The following RBFOX1 variants were observed in gnomAD, a reference collection of about 807,000 sequenced individuals.
RBFOX1 encodes RNA binding fox-1 homolog 1.
RBFOX1 carries 8 observed loss-of-function variants against 57.7 expected under a neutral mutation model. The observed-to-expected ratio is 0.14, with a 90% confidence interval of 0.08 to 0.25. The LOEUF (loss-of-function observed/expected upper bound fraction) is 0.25. RBFOX1 is among the 10% of genes least tolerant of loss of function. The probability of loss-of-function intolerance (pLI) is 1.00; values close to 1 mark genes in which losing one functional copy is unlikely to be tolerated. For missense variants in RBFOX1, 611 were observed against 548.5 expected (o/e 1.11, Z -1.14); for synonymous variants, 326 against 222.4 (o/e 1.47, Z -4.15).
chr16:7,437,685 C>A (rs1249306790), intron 4 of RBFOX1, among the ~76,000 whole-genome samples: 2 of 152,092 alleles, frequency 1.3e-5, no homozygotes, highest in Non-Finnish European at 2.9e-5. Context: ...GGCAAAGCTG[C>A]CTTCTAAATA....
At chr16:6,793,088 C>A (rs977878495) in intron 3 of RBFOX1, among the ~76,000 whole-genome samples, 2 of 151,750 alleles carry the variant, frequency 1.3e-5, no homozygotes, top group African/African-American at 2.4e-5. Context: ...TGGATGCTCT[C>A]TGCCAGATTG....
chr16:5,571,766 G>C lies in RBFOX1; in HGVS notation c.259-27136G>C, dbSNP rs565985511. ...TACTCAATAAATACGAAGGGAGCTA[G>C]AAGCTCAGGGTCCTTGTTCACTAGA... On this transcript the variant is annotated intron_variant, in intron 2 of 2. Coordinates refer to the RBFOX1 transcript ENST00000585867. Among the ~76,000 whole-genome samples the C allele has an allele frequency of 1.8e-4, 28 of 152,320 alleles. No homozygotes were observed. In the South Asian group the frequency reaches 5.6e-3, roughly 30 times the overall value.
At chr16:6,261,364 C>G (rs1227866568) in intron 1 of RBFOX1, among the ~76,000 whole-genome samples, 2 of 152,098 alleles carry the variant, frequency 1.3e-5, no homozygotes, top group African/African-American at 2.4e-5. Context: ...TTTTCTCTAC[C>G]TAGTACCAAA....
At chr16:5,454,983 C>CT (rs1240323683) in intron 1 of RBFOX1, among the ~76,000 whole-genome samples, 1 of 92,612 alleles carries the variant, frequency 1.1e-5, no homozygotes, top group Non-Finnish European at 2.3e-5. Context: ...TTCTTTCTTT[C>CT]TTTCTTTCTT....
chr16:7,592,780 T>G lies in RBFOX1; in HGVS notation c.469-2769T>G, dbSNP rs185882354. On this transcript the variant is annotated intron_variant, in intron 7 of 15. Transcript: ENST00000550418. The stretch of plus-strand genomic sequence containing the variant: ...CTGAGTCAAAATCTATAGCCAAAAA[T>G]CTATAGATATCAGCAATATAAAATT... Among the ~76,000 whole-genome samples the G allele has an allele frequency of 6.6e-5, 10 of 152,228 alleles. No individual in the cohort carries two copies. The East Asian group carries it at 7.7e-4, about 12-fold the overall frequency.
chr16:6,452,785 A>G (rs574709231), intron 2 of RBFOX1, among the ~76,000 whole-genome samples: 1 of 152,336 alleles, frequency 6.6e-6, no homozygotes, highest in South Asian at 2.1e-4. Context: ...ACCTGGGTTA[A>G]TAATGAGTCT....
intron 4 of RBFOX1, chr16:7,510,461 AAG>A (rs2074726990): frequency 1.6e-6 from 1 of 622,796 alleles, no homozygotes. Context: ...AGTTTTGGTG[AAG>A]AGAGTGTGTG....
chr16:6,223,614 T>C (rs1301663407), intron 1 of RBFOX1, among the ~76,000 whole-genome samples: 3 of 152,212 alleles, frequency 2.0e-5, no homozygotes, highest in African/African-American at 2.4e-5. Context: ...CTTTGTCAGA[T>C]GAGTAGGTTG....
intron 2 of RBFOX1, among the ~76,000 whole-genome samples, chr16:5,575,990 T>C (rs2046440707): frequency 6.6e-6 from 1 of 152,050 alleles, no homozygotes; most frequent in South Asian, 2.1e-4. Context: ...TTTCATCTTT[T>C]TTTTTTCTTT....
intron 2 of RBFOX1, among the ~76,000 whole-genome samples, chr16:6,618,799 G>A (rs539561749): frequency 5.3e-5 from 8 of 152,216 alleles, no homozygotes; most frequent in African/African-American, 7.2e-5. Flanking sequence ...CTTGGAGTCC[G>A]TCTGCGTGCC....
intron 5 of RBFOX1, among the ~76,000 whole-genome samples, chr16:7,533,605 C>G (rs1335922791): frequency 2.6e-5 from 4 of 152,114 alleles, no homozygotes; most frequent in Non-Finnish European, 5.9e-5. Flanking sequence ...TACAGATGGG[C>G]AAAATCATCT....
intron 3 of RBFOX1, among the ~76,000 whole-genome samples, chr16:6,900,521 C>T (rs1188197911): frequency 2.0e-5 from 3 of 152,290 alleles, no homozygotes; most frequent in East Asian, 3.9e-4. Context: ...TCTGGCCCTG[C>T]CCTTCTCTCA....
In RBFOX1 at chr16:6,986,521, G is replaced by A. The variant is rs144494618; in HGVS notation, c.-15-65536G>A. On this transcript the variant is annotated intron_variant, in intron 3 of 15. Coordinates refer to ENST00000550418, the MANE Select transcript of RBFOX1 (RefSeq NM_018723.4). ...GCCCCAGGCTGGTTTTGAACTCATG[G>A]GCTCAACTGATTCACCTGCCTTGGC... Among the ~76,000 whole-genome samples, 385 of 152,180 alleles carry A rather than the reference G, an allele frequency of 2.5e-3. 1 individual carries two copies. Among genetic ancestry groups the A allele is most frequent in the African/African-American group, 9.0e-3 (374 of 41,522 alleles).
intron 11 of RBFOX1, among the ~76,000 whole-genome samples, chr16:7,650,276 T>A (rs1022109629): frequency 5.3e-5 from 8 of 150,830 alleles, no homozygotes; most frequent in African/African-American, 1.9e-4. Context: ...CCTTTCTCCA[T>A]GAAGCCTCTG....
At chr16:5,267,067 C>T (rs1390807457) in intron 1 of RBFOX1, among the ~76,000 whole-genome samples, 1 of 151,096 alleles carries the variant, frequency 6.6e-6, no homozygotes. Context: ...GTGTCATAGC[C>T]AAGGAGAGGA....
intron 2 of RBFOX1, among the ~76,000 whole-genome samples, chr16:5,532,702 C>G (rs773214459): frequency 5.9e-5 from 9 of 152,178 alleles, no homozygotes; most frequent in Non-Finnish European, 8.8e-5. Context: ...CTGGCTCATA[C>G]CCAGGCCTGA....
At chr16:5,671,782 T>A (rs1311142506) in intron 3 of RBFOX1, among the ~76,000 whole-genome samples, 1 of 152,218 alleles carries the variant, frequency 6.6e-6, no homozygotes, top group Non-Finnish European at 1.5e-5. Context: ...ATCCAGTGAA[T>A]ATAAGGCCCC....
At chr16:6,171,307 C>A (rs76227951) in intron 1 of RBFOX1, among the ~76,000 whole-genome samples, 1 of 152,096 alleles carries the variant, frequency 6.6e-6, no homozygotes, top group Non-Finnish European at 1.5e-5. Flanking sequence ...GTAGTCCAGC[C>A]GCACCACAAC....
At position 6,875,343 on chromosome 16, in the gene RBFOX1, T is replaced by A. The variant is rs1004480620; in HGVS notation, c.-15-176714T>A. ...AAACATTTATATTTTAATCTGTCCT[T>A]TATACACAGCTTTGACCTCTCCTGT... On this transcript the variant is annotated intron_variant, in intron 3 of 15. Coordinates refer to ENST00000550418, the MANE Select transcript of RBFOX1 (RefSeq NM_018723.4). Among the ~76,000 whole-genome samples the A allele has an allele frequency of 2.0e-5, 3 of 152,282 alleles. No individual in the cohort carries two copies. In the East Asian group the frequency reaches 5.8e-4, roughly 29 times the overall value.
Sources: gnomAD v4.1 joint callset for allele counts (sites outside exome capture counted in the v4.1 genomes callset) on GRCh38, gnomAD v4.1.1 for gene constraint, MANE v1.5 for transcripts, NCBI Gene and HGNC (gene_info 2026-07-23, HGNC 2026-07-21) for gene names.